VIT: variants seen among roughly 807,000 people sequenced by gnomAD.
The protein encoded by VIT is vitrin.
A neutral mutation model predicts 78.0 loss-of-function variants in VIT; 99 were observed. The observed-to-expected ratio is 1.27, with a 90% CI of 1.08 to 1.50. The LOEUF is 1.50. Ranked by LOEUF, VIT falls within the 40% of genes most tolerant of loss-of-function variation. VIT has a pLI of 0.00. For missense variants in VIT, 1,126 were observed against 875.3 expected (o/e 1.29, Z -3.61); for synonymous variants, 374 against 334.3 (o/e 1.12, Z -1.29).
intron 13 of VIT, among the ~76,000 whole-genome samples, chr2:36,803,429 A>T (rs533254828): frequency 6.6e-6 from 1 of 152,194 alleles, no homozygotes; most frequent in Non-Finnish European, 1.5e-5. Context: ...TGTGTTGAGC[A>T]CTATACACCA....
intron 12 of VIT, among the ~76,000 whole-genome samples, chr2:36,796,498 G>A (rs983487034): frequency 6.6e-6 from 1 of 152,184 alleles, no homozygotes; most frequent in Non-Finnish European, 1.5e-5. Flanking sequence ...AGGGGAAAGA[G>A]ACAGGGAATC....
At chr2:36,742,990 C>A in intron 3 of VIT, 110 bp from the exon 4 acceptor site, 1 of 1,415,816 alleles carries the variant, frequency 7.1e-7, no homozygotes, top group Admixed American at 2.0e-5. Flanking sequence ...GTAGAGTCGG[C>A]CCAGGCTCTG....
intron 3 of VIT, among the ~76,000 whole-genome samples, chr2:36,737,827 C>A (rs1667600334): frequency 6.6e-6 from 1 of 152,176 alleles, no homozygotes; most frequent in Non-Finnish European, 1.5e-5. Flanking sequence ...GCTTCTTAGA[C>A]ACCTGGCGCC....
chr2:36,763,837 T>C (rs1317557095), intron 6 of VIT, among the ~76,000 whole-genome samples: 3 of 152,034 alleles, frequency 2.0e-5, no homozygotes, highest in Non-Finnish European at 4.4e-5. Context: ...GATCCACCCA[T>C]CTCGGCCCCC....
intron 2 of VIT, among the ~76,000 whole-genome samples, chr2:36,719,113 C>T (rs1666338192): frequency 1.3e-5 from 2 of 152,244 alleles, no homozygotes; most frequent in South Asian, 4.1e-4. Flanking sequence ...CTGCCTTTCT[C>T]AGCCTGCCCT....
At chr2:36,802,236 A>C (rs1666383972) in intron 13 of VIT, among the ~76,000 whole-genome samples, 1 of 152,192 alleles carries the variant, frequency 6.6e-6, no homozygotes, top group Non-Finnish European at 1.5e-5. Flanking sequence ...TTTCACACTA[A>C]CCAAGCTCAA....
chr2:36,755,001 A>G lies in VIT; in HGVS notation c.356A>G (p.Asn119Ser), dbSNP rs561381612. The G allele has an allele frequency of 3.8e-5, 62 of 1,614,062 alleles. No individual in the cohort carries two copies. The highest frequency in any genetic ancestry group is 2.7e-4 in the Admixed American group (16 of 60,012). ...TCTGGTTACAAAGGGAGTTATTCCA[A>G]CGGTGTCCAATCGTTATCCCTACCA... ...GQSGYKGSYSNGVQSLSLPRW... is the reference protein window; with the variant it reads ...GQSGYKGSYSSGVQSLSLPRW... Residue 119 changes from asparagine (N) to serine (S), a missense_variant, in exon 5 of 16, where the codon AAC (asparagine) becomes AGC (serine). By Grantham distance (46) the Asn-to-Ser change is conservative. Transcript: ENST00000379242.
chr2:36,750,255 C>T (rs1182858636), intron 4 of VIT, among the ~76,000 whole-genome samples: 2 of 152,254 alleles, frequency 1.3e-5, no homozygotes, highest in Non-Finnish European at 2.9e-5. Context: ...TGTTTGCACA[C>T]CCATACATGC....
rs1420912115 is a variant in VIT, at chr2:36,758,968, GA to G, written c.412del (p.Ser138ValfsTer7). On this transcript the variant is annotated frameshift_variant and splice_region_variant, in exon 6 of 16. Transcript: ENST00000379242. LOFTEE classifies it high-confidence loss of function. ...TCGTTTTTTTTTTCTCTTTTTTGCA[GA>G]AAGTAAACCCAAAAAGGGTGTAACC... ...PRWRESFIVLESKPKKGVTYP... is the reference protein window; with the variant it reads ...PRWRESFIVLXSKPKKGVTYP... 20 of 1,604,728 alleles carry G rather than the reference GA, an allele frequency of 1.2e-5. No homozygotes were observed. Among genetic ancestry groups the G allele is most frequent in the Non-Finnish European group, 1.7e-5 (20 of 1,177,398 alleles).
chr2:36,727,747 C>G (rs1666941284), intron 2 of VIT, among the ~76,000 whole-genome samples: 1 of 152,220 alleles, frequency 6.6e-6, no homozygotes, highest in African/African-American at 2.4e-5. Flanking sequence ...TTCCTATTGC[C>G]TAGTGACATT....
At chr2:36,766,591 C>T (rs886739659) in intron 6 of VIT, among the ~76,000 whole-genome samples, 5 of 152,090 alleles carry the variant, frequency 3.3e-5, no homozygotes, top group African/African-American at 1.2e-4. Context: ...TCTATTACCC[C>T]ATTTTACAGA....
At chr2:36,794,705 C>T (rs932598574) in intron 12 of VIT, among the ~76,000 whole-genome samples, 2 of 152,130 alleles carry the variant, frequency 1.3e-5, no homozygotes, top group Non-Finnish European at 2.9e-5. Flanking sequence ...AGTTCCATGC[C>T]TTTGCCCCTA....
chr2:36,777,009 A>C (rs1408462481), intron 9 of VIT, among the ~76,000 whole-genome samples: 51 of 148,642 alleles, frequency 3.4e-4, no homozygotes, highest in Non-Finnish European at 1.5e-5. Context: ...GAATGGCATG[A>C]ACCCAGGAGG....
chr2:36,770,685 A>T (rs1669692979), intron 7 of VIT, among the ~76,000 whole-genome samples: 1 of 152,172 alleles, frequency 6.6e-6, no homozygotes, highest in Non-Finnish European at 1.5e-5. Flanking sequence ...TATGCTTAGG[A>T]AAGAGTTCTG....
intron 7 of VIT, among the ~76,000 whole-genome samples, chr2:36,771,268 G>A (rs1051931823): frequency 3.3e-5 from 5 of 152,158 alleles, no homozygotes; most frequent in East Asian, 3.8e-4. Flanking sequence ...GGTGGCTCAC[G>A]CCTGTAATCT....
intron 2 of VIT, among the ~76,000 whole-genome samples, chr2:36,727,841 A>G (rs1027532678): frequency 6.6e-6 from 1 of 152,252 alleles, no homozygotes; most frequent in African/African-American, 2.4e-5. Flanking sequence ...CCAGCTGCCA[A>G]ATAAATGTAT....
chr2:36,721,223 G>A (rs541262160), intron 2 of VIT, among the ~76,000 whole-genome samples: 4 of 152,196 alleles, frequency 2.6e-5, no homozygotes, highest in African/African-American at 4.8e-5. Flanking sequence ...ATTTCACAAC[G>A]TACACATATA....
chr2:36,765,312 AAGG>A (rs1018867595), intron 6 of VIT, among the ~76,000 whole-genome samples: 32 of 152,174 alleles, frequency 2.1e-4, no homozygotes, highest in Non-Finnish European at 3.8e-4. Context: ...TTTACAAACA[AAGG>A]AGATTTAGTT....
chr2:36,803,551 G>A (rs1040562811), intron 13 of VIT, among the ~76,000 whole-genome samples: 2 of 152,178 alleles, frequency 1.3e-5, no homozygotes, highest in African/African-American at 4.8e-5. Context: ...GGTGCTTTGT[G>A]CTTTGGGAAA....
Sources: allele counts gnomAD v4.1 joint callset (sites outside exome capture counted in the v4.1 genomes callset), GRCh38; gene constraint gnomAD v4.1.1; transcripts MANE v1.5; gene names NCBI Gene and HGNC (gene_info 2026-07-23, HGNC 2026-07-21).